The following SDHAF3 variants were observed in gnomAD, a reference collection of about 807,000 sequenced individuals.
SDHAF3 encodes succinate dehydrogenase complex assembly factor 3, also known as succinate dehydrogenase assembly factor 3, mitochondrial.
SDHAF3 carries 18 observed loss-of-function variants against 11.5 expected under a neutral mutation model. The observed-to-expected ratio is 1.56, with a 90% CI of 1.08 to 2.32. SDHAF3 has a LOEUF of 2.32. Among genes scored for constraint, SDHAF3 ranks in the 30% most tolerant of loss-of-function variants. SDHAF3 has a pLI of 0.00. For synonymous variants in SDHAF3, 72 were observed against 59.3 expected (o/e 1.21, Z -0.99); for missense variants, 200 against 154.4 (o/e 1.30, Z -1.57).
intron 1 of SDHAF3, among the ~76,000 whole-genome samples, chr7:97,147,989 TCA>T (rs1455877767): frequency 6.6e-6 from 1 of 152,006 alleles, no homozygotes; most frequent in Non-Finnish European, 1.5e-5. Context: ...GCAACCTCTC[TCA>T]CTCCCAGGTT....
In SDHAF3 at chr7:97,125,026, C is replaced by T. The variant is rs190564519; in HGVS notation, c.174+7129C>T. ...GCTCTGGCCAGAACTTCCAATACTA[C>T]GTTGAATAGGAGTGGTGAGAGAGGT... is the stretch of plus-strand genomic sequence containing the variant. On this transcript the variant is annotated intron_variant, in intron 1 of 1. Coordinates refer to ENST00000432641, the MANE Select transcript of SDHAF3 (RefSeq NM_020186.3). Among the ~76,000 whole-genome samples, 44 of 152,180 alleles carry T rather than the reference C, an allele frequency of 2.9e-4. 1 individual carries two copies. Among genetic ancestry groups the T allele is most frequent in the African/African-American group, 9.2e-4 (38 of 41,518 alleles).
At chr7:97,143,699 G>A (rs1584218838) in intron 1 of SDHAF3, among the ~76,000 whole-genome samples, 1 of 144,894 alleles carries the variant, frequency 6.9e-6, no homozygotes, top group South Asian at 2.2e-4. Context: ...GTGTGTGTGT[G>A]TATACCAGTT....
chr7:97,132,092 A>G (rs1029029194), intron 1 of SDHAF3, among the ~76,000 whole-genome samples: 1 of 152,196 alleles, frequency 6.6e-6, no homozygotes, highest in African/African-American at 2.4e-5. Context: ...TTTAGTAATT[A>G]TAAGAAAGTT....
chr7:97,172,818 A>T (rs1789622400), intron 1 of SDHAF3, among the ~76,000 whole-genome samples: 1 of 152,206 alleles, frequency 6.6e-6, no homozygotes, highest in Non-Finnish European at 1.5e-5. Flanking sequence ...ATTGTAAAAA[A>T]TTATTATAAT....
At position 97,129,671 on chromosome 7, in the gene SDHAF3, C is replaced by T. The variant is rs555792810; in HGVS notation, c.174+11774C>T. 1.2e-4 allele frequency among the ~76,000 whole-genome samples: 19 copies of T among 152,072 alleles called. No individual in the cohort carries two copies. In the South Asian group the frequency reaches 2.9e-3, roughly 23 times the overall value. ...TACTGATGCAGGATTTTTTCAGTGCCGCTTTGCCAGCCAGAAATCTCTGGC... is the reference window on the plus strand; with the variant it reads ...TACTGATGCAGGATTTTTTCAGTGCTGCTTTGCCAGCCAGAAATCTCTGGC... On this transcript the variant is annotated intron_variant, in intron 1 of 1. Coordinates refer to ENST00000432641, the MANE Select transcript of SDHAF3 (RefSeq NM_020186.3).
chr7:97,120,783 G>A (rs755832743), intron 1 of SDHAF3, among the ~76,000 whole-genome samples: 3 of 152,078 alleles, frequency 2.0e-5, no homozygotes, highest in African/African-American at 4.8e-5. Context: ...CAGGGGCAAC[G>A]TTGGGTATAG....
intron 1 of SDHAF3, among the ~76,000 whole-genome samples, chr7:97,158,161 G>A (rs1789332513): frequency 6.6e-6 from 1 of 152,018 alleles, no homozygotes; most frequent in Admixed American, 6.5e-5. Flanking sequence ...TAGGTTACTT[G>A]TCTTAAAATT....
At chr7:97,154,223 C>A (rs954310213) in intron 1 of SDHAF3, among the ~76,000 whole-genome samples, 1 of 151,864 alleles carries the variant, frequency 6.6e-6, no homozygotes, top group East Asian at 1.9e-4. Context: ...TTACAAAGTA[C>A]ATTGATGAGT....
At chr7:97,128,976 A>T (rs897114689) in intron 1 of SDHAF3, among the ~76,000 whole-genome samples, 5 of 152,192 alleles carry the variant, frequency 3.3e-5, no homozygotes, top group South Asian at 4.1e-4. Context: ...AGTAGCAGAG[A>T]TTAACTTTTT....
chr7:97,126,118 T>C (rs10279603), intron 1 of SDHAF3, among the ~76,000 whole-genome samples: 53,549 of 152,100 alleles, frequency 0.35, 9,540 homozygotes, highest in East Asian at 0.49. Flanking sequence ...GCCTGGGTAT[T>C]ACCAGCAGAG....
chr7:97,126,568 C>G (rs971118418), intron 1 of SDHAF3, among the ~76,000 whole-genome samples: 2 of 152,138 alleles, frequency 1.3e-5, no homozygotes, highest in African/African-American at 2.4e-5. Flanking sequence ...TGCTGCGTTA[C>G]GTTGAGTTCC....
At chr7:97,149,567 A>G (rs1313306279) in intron 1 of SDHAF3, among the ~76,000 whole-genome samples, 4 of 152,232 alleles carry the variant, frequency 2.6e-5, no homozygotes, top group Non-Finnish European at 5.9e-5. Context: ...CAATGCATAT[A>G]AAAGTTATGT....
At chr7:97,178,174 G>C (rs933156698) in intron 1 of SDHAF3, among the ~76,000 whole-genome samples, 1 of 151,972 alleles carries the variant, frequency 6.6e-6, no homozygotes, top group Non-Finnish European at 1.5e-5. Flanking sequence ...TTTATGTTTG[G>C]CTTCTTAGCA....
chr7:97,165,939 CAACAGT>C (rs2115728293), intron 1 of SDHAF3, among the ~76,000 whole-genome samples: 1 of 152,254 alleles, frequency 6.6e-6, no homozygotes, highest in South Asian at 2.1e-4. Flanking sequence ...CTGTCAACAT[CAACAGT>C]AAGAAGTCTG....
chr7:97,135,070 T>C (rs1405681557), intron 1 of SDHAF3: 2 of 151,822 alleles, frequency 1.3e-5, no homozygotes, highest in Non-Finnish European at 2.9e-5. Context: ...TCCTCTTTTT[T>C]TTTTTTCCCC....
At chr7:97,155,380 A>G (rs1789286329) in intron 1 of SDHAF3, among the ~76,000 whole-genome samples, 1 of 152,114 alleles carries the variant, frequency 6.6e-6, no homozygotes, top group African/African-American at 2.4e-5. Context: ...ACTCCTGTGC[A>G]TACTGGTCCT....
chr7:97,153,525 T>G (rs967933569), intron 1 of SDHAF3, among the ~76,000 whole-genome samples: 7 of 152,222 alleles, frequency 4.6e-5, no homozygotes, highest in African/African-American at 1.4e-4. Flanking sequence ...TTGCAGGGTT[T>G]TGAGTGTACA....
intron 1 of SDHAF3, among the ~76,000 whole-genome samples, chr7:97,146,113 T>TCC (rs60648502): frequency 6.6e-6 from 1 of 151,120 alleles, no homozygotes; most frequent in Non-Finnish European, 1.5e-5. Context: ...AAATAGGCTT[T>TCC]CCCCCCCCCA....
At chr7:97,170,009 C>CAGTT (rs1318465266) in intron 1 of SDHAF3, among the ~76,000 whole-genome samples, 3 of 151,934 alleles carry the variant, frequency 2.0e-5, no homozygotes, top group African/African-American at 7.3e-5. Context: ...TTAGGTATTA[C>CAGTT]AGTTAAACTT....
Sources: allele counts gnomAD v4.1 joint callset (sites outside exome capture counted in the v4.1 genomes callset), GRCh38; gene constraint gnomAD v4.1.1; transcripts MANE v1.5; gene names NCBI Gene and HGNC (gene_info 2026-07-23, HGNC 2026-07-21).